NALCN: variants seen among roughly 807,000 people sequenced by gnomAD.
NALCN encodes the protein sodium leak channel NALCN.
NALCN carries 111 observed loss-of-function variants against 225.3 expected under a neutral mutation model. The observed-to-expected ratio is 0.49, with a 90% confidence interval of 0.42 to 0.58. The LOEUF is 0.58. NALCN is among the 20% of genes least tolerant of loss of function. The pLI, the probability that NALCN is intolerant of heterozygous loss-of-function variation, is 0.00. For missense variants in NALCN, 1,378 were observed against 2,202.4 expected (o/e 0.63, Z 7.49); for synonymous variants, 764 against 769.0 (o/e 0.99, Z 0.11).
intron 13 of NALCN, among the ~76,000 whole-genome samples, chr13:101,227,645 T>C (rs931124950): frequency 1.3e-5 from 2 of 152,146 alleles, no homozygotes; most frequent in Admixed American, 1.3e-4. Flanking sequence ...AGCATTGGAC[T>C]CCCTCCCCTG....
intron 18 of NALCN, chr13:101,116,793 G>T (rs1428069695): frequency 1.1e-5 from 4 of 376,020 alleles, no homozygotes; most frequent in South Asian, 6.1e-5. Flanking sequence ...ATTATCCAAG[G>T]TTGGTTAATG....
intron 17 of NALCN, among the ~76,000 whole-genome samples, chr13:101,127,319 A>G (rs1212211381): frequency 6.6e-6 from 1 of 152,134 alleles, no homozygotes; most frequent in African/African-American, 2.4e-5. Context: ...AATCAATATT[A>G]TAATAGAAAA....
chr13:101,175,284 C>A (rs1285491407), intron 15 of NALCN, among the ~76,000 whole-genome samples: 2 of 150,738 alleles, frequency 1.3e-5, no homozygotes, highest in African/African-American at 4.9e-5. Context: ...TGTTGATACC[C>A]TCTGTTAAAA....
intron 7 of NALCN, among the ~76,000 whole-genome samples, chr13:101,330,248 A>G (rs1390018414): frequency 6.6e-6 from 1 of 152,112 alleles, no homozygotes; most frequent in Non-Finnish European, 1.5e-5. Flanking sequence ...TGAGCAAACT[A>G]TCCAGCGGTC....
intron 7 of NALCN, among the ~76,000 whole-genome samples, chr13:101,332,621 C>CCAGCTAAATATTTAGCCAGCT (rs2045225467): frequency 6.6e-6 from 1 of 152,080 alleles, no homozygotes; most frequent in Non-Finnish European, 1.5e-5. Context: ...TAGCCAGCTA[C>CCAGCTAAATATTTAGCCAGCT]AAAATGAAGG....
intron 7 of NALCN, among the ~76,000 whole-genome samples, chr13:101,314,972 G>A (rs528127272): frequency 6.6e-6 from 1 of 152,364 alleles, no homozygotes; most frequent in African/African-American, 2.4e-5. Flanking sequence ...CTGCCTGAAC[G>A]TACCTCCAGT....
chr13:101,115,084 T>C (rs760687032), intron 18 of NALCN, among the ~76,000 whole-genome samples: 34 of 152,328 alleles, frequency 2.2e-4, no homozygotes, highest in Middle Eastern at 3.4e-3. Context: ...TCAAATATTT[T>C]CTTTTCTGAT....
At chr13:101,220,735 T>C (rs904180348) in intron 13 of NALCN, among the ~76,000 whole-genome samples, 1 of 152,222 alleles carries the variant, frequency 6.6e-6, no homozygotes, top group Non-Finnish European at 1.5e-5. Flanking sequence ...ATTACTATTA[T>C]AGCTGGAAAA....
intron 15 of NALCN, among the ~76,000 whole-genome samples, chr13:101,148,634 A>T (rs2037476514): frequency 6.6e-6 from 1 of 152,180 alleles, no homozygotes; most frequent in African/African-American, 2.4e-5. Context: ...AAACTTGGTG[A>T]GGACAGGAAC....
intron 7 of NALCN, among the ~76,000 whole-genome samples, chr13:101,293,293 G>A (rs1412144696): frequency 3.9e-5 from 6 of 152,146 alleles, no homozygotes; most frequent in African/African-American, 1.4e-4. Context: ...TTACTGTGTT[G>A]TAAGGATTTA....
chr13:101,412,601 T>C (rs987707251), intron 1 of NALCN, among the ~76,000 whole-genome samples: 2 of 152,210 alleles, frequency 1.3e-5, no homozygotes, highest in Non-Finnish European at 2.9e-5. Context: ...CGCTCCTTCA[T>C]ACTAAGGGGC....
At chr13:101,249,586 CTA>C (rs2042001566) in intron 11 of NALCN, among the ~76,000 whole-genome samples, 1 of 152,074 alleles carries the variant, frequency 6.6e-6, no homozygotes, top group Admixed American at 6.6e-5. Context: ...TTTCAGGAAT[CTA>C]AAATAGTTTC....
At chr13:101,365,123 C>T (rs1004634566) in intron 6 of NALCN, among the ~76,000 whole-genome samples, 6 of 152,066 alleles carry the variant, frequency 3.9e-5, no homozygotes, top group Admixed American at 6.6e-5. Context: ...GCGAGCGTGG[C>T]GTACAGATTG....
In NALCN at chr13:101,197,716, G is replaced by T. The variant is rs576884055; in HGVS notation, c.1627-5662C>A. Among the ~76,000 whole-genome samples the T allele has an allele frequency of 9.2e-5, 14 of 152,242 alleles. No homozygotes were observed. The East Asian group carries it at 1.4e-3, about 15-fold the overall frequency. ...GATCTGGAACAAGCAACTCTACCCT[G>T]CCAGGGAAGAAATAAGTAAATCAAA... On this transcript the variant is annotated intron_variant, in intron 13 of 43. Coordinates refer to ENST00000251127, the MANE Select transcript of NALCN (RefSeq NM_052867.4).
At chr13:101,357,883 G>A (rs1268109082) in intron 6 of NALCN, among the ~76,000 whole-genome samples, 19 of 151,950 alleles carry the variant, frequency 1.3e-4, no homozygotes, top group African/African-American at 3.4e-4. Flanking sequence ...ATCACATCAC[G>A]CATCTACAAC....
intron 7 of NALCN, among the ~76,000 whole-genome samples, chr13:101,303,324 A>C (rs2044038480): frequency 6.6e-6 from 1 of 152,188 alleles, no homozygotes. Context: ...CATGTGGTCT[A>C]GTCTGCCTGG....
chr13:101,185,065 C>T (rs1481192370), intron 14 of NALCN, among the ~76,000 whole-genome samples: 1 of 152,130 alleles, frequency 6.6e-6, no homozygotes, highest in Middle Eastern at 3.5e-3. Flanking sequence ...TTGTGTTTTT[C>T]TTTTCCTGTT....
rs2036172775 is a variant in NALCN at position 101,125,154 on chromosome 13, A to G, written c.2119-473T>C. Among the ~76,000 whole-genome samples the G allele has an allele frequency of 2.0e-5, 3 of 152,100 alleles. No individual in the cohort carries two copies. In the South Asian group the frequency reaches 6.2e-4, roughly 32 times the overall value. On this transcript the variant is annotated intron_variant, in intron 17 of 43. Coordinates refer to ENST00000251127, the MANE Select transcript of NALCN (RefSeq NM_052867.4). ...CAAGATCTCTTCCTAGTTGGCGATGATAAAATTACTCCAGAGAAGAGAACT... is the reference window on the plus strand; with the variant it reads ...CAAGATCTCTTCCTAGTTGGCGATGGTAAAATTACTCCAGAGAAGAGAACT...
chr13:101,366,343 T>G (rs190224933), intron 6 of NALCN, among the ~76,000 whole-genome samples: 2 of 152,308 alleles, frequency 1.3e-5, no homozygotes, highest in East Asian at 1.9e-4. Context: ...ATTGTGTTGC[T>G]TCTTTATCTT....
Sources: gnomAD v4.1 joint callset for allele counts (sites outside exome capture counted in the v4.1 genomes callset) on GRCh38, gnomAD v4.1.1 for gene constraint, MANE v1.5 for transcripts, NCBI Gene and HGNC (gene_info 2026-07-23, HGNC 2026-07-21) for gene names.